Variants in SYCP2 observed in about 807,000 individuals in gnomAD.
The protein encoded by SYCP2 is synaptonemal complex protein 2.
A neutral mutation model predicts 211.3 loss-of-function variants in SYCP2; 55 were observed. The ratio of observed to expected loss-of-function variants is 0.26; its 90% CI spans 0.21 to 0.33. The LOEUF is 0.33. SYCP2 is among the 10% of genes least tolerant of loss of function. The probability of loss-of-function intolerance (pLI) is 1.00; values close to 1 mark genes in which losing one functional copy is unlikely to be tolerated. For synonymous variants in SYCP2, 570 were observed against 555.2 expected (o/e 1.03, Z -0.37); for missense variants, 1,731 against 1,752.0 (o/e 0.99, Z 0.21).
intron 15 of SYCP2, among the ~76,000 whole-genome samples, chr20:59,902,304 C>A (rs2060129540): frequency 1.3e-5 from 2 of 152,028 alleles, no homozygotes; most frequent in Admixed American, 6.6e-5. Flanking sequence ...AAGGATCTAG[C>A]ACTTGGCCTC....
chr20:59,902,852 C>CA (rs2145789798), intron 15 of SYCP2, among the ~76,000 whole-genome samples: 1 of 152,194 alleles, frequency 6.6e-6, no homozygotes, highest in South Asian at 2.1e-4. Flanking sequence ...GACAAGTTTT[C>CA]AGGTTTCAGA....
At chr20:59,867,987 T>A (rs1456246025) in intron 38 of SYCP2, 140 bp from the exon 39 acceptor site, 2 of 613,654 alleles carry the variant, frequency 3.3e-6, no homozygotes, top group African/African-American at 3.9e-5. Context: ...GGCAGAAGAG[T>A]TCCTTATGTT....
At chr20:59,891,919 T>G in intron 24 of SYCP2, 71 bp downstream of exon 24, 1 of 1,317,134 alleles carries the variant, frequency 7.6e-7, no homozygotes. Flanking sequence ...TTAATCAAGT[T>G]TCTTTCTTTC....
chr20:59,914,855 T>G (rs1020940382), intron 10 of SYCP2, among the ~76,000 whole-genome samples: 2 of 152,084 alleles, frequency 1.3e-5, no homozygotes, highest in East Asian at 3.9e-4. Flanking sequence ...ATTATATTAA[T>G]CTATTAATTT....
intron 2 of SYCP2, among the ~76,000 whole-genome samples, chr20:59,924,206 T>C (rs1019469181): frequency 1.3e-5 from 2 of 151,926 alleles, no homozygotes; most frequent in Admixed American, 6.6e-5. Flanking sequence ...CACTCCTATC[T>C]TCCTAGTCAT....
chr20:59,892,803 T>C (rs1489064222), intron 22 of SYCP2, 102 bp from the exon 23 acceptor site: 9 of 1,077,428 alleles, frequency 8.4e-6, no homozygotes, highest in Admixed American at 3.2e-5. Context: ...CGATTACTTA[T>C]GTGAAAATTA....
chr20:59,893,319 T>C (rs2059945245), intron 21 of SYCP2, 120 bp from the exon 22 acceptor site: 1 of 785,928 alleles, frequency 1.3e-6, no homozygotes, highest in African/African-American at 1.8e-5. Context: ...TGATCGATTT[T>C]GCATCCTCTC....
At chr20:59,917,032 C>T (rs74872353) in intron 7 of SYCP2, among the ~76,000 whole-genome samples, 2,952 of 152,150 alleles carry the variant, frequency 0.019, 41 homozygotes, top group Middle Eastern at 0.041. Flanking sequence ...TTCTACTTGG[C>T]CTTGCAAAAA....
chr20:59,919,611 T>G lies in SYCP2; in HGVS notation c.298-14A>C, dbSNP rs1267775729. ...CCAGGCAACCATGTAAAAAAAGGAA[T>G]GAACTTATTAGAGTTCCATTTTAAT... On this transcript the variant is annotated splice_polypyrimidine_tract_variant and intron_variant, in intron 5 of 44. Coordinates refer to ENST00000357552, the MANE Select transcript of SYCP2 (RefSeq NM_014258.4). The G allele has an allele frequency of 6.6e-7, 1 of 1,511,816 alleles. No homozygotes were observed. Among genetic ancestry groups the G allele is most frequent in the Non-Finnish European group, 9.1e-7 (1 of 1,094,130 alleles). The allele number at this position is 1,511,816 out of a possible 1,614,324, so 93.7% of individuals were successfully genotyped here. A position where few individuals can be genotyped will look rare whatever the true frequency, so the allele number is the denominator to read the frequency against.
At position 59,901,771 on chromosome 20, in the gene SYCP2, T is replaced by A. The variant is rs1163194198; in HGVS notation, c.1073A>T (p.Asn358Ile). 6.2e-7 allele frequency: 1 copy of A among 1,603,796 alleles called. No individual in the cohort carries two copies. Among genetic ancestry groups the A allele is most frequent in the East Asian group, 2.2e-5 (1 of 44,586 alleles). ...TTCTCTTTTGCTAATTTTTACTGTATTTTTCAGAATTATTGTCAGTAGCTT... is the reference window on the plus strand; with the variant it reads ...TTCTCTTTTGCTAATTTTTACTGTAATTTTCAGAATTATTGTCAGTAGCTT... ...SKKLLTIILK[N>I]TVKISKREGK... is the part of the protein sequence containing the mutation. Residue 358 changes from asparagine (N) to isoleucine (I), a missense_variant, in exon 16 of 45, where the codon AAT becomes ATT. Asn to Ile is a moderately radical substitution (Grantham distance 149). Around this residue, in one of 3 missense-constraint regions of SYCP2, gnomAD observed 1,387 missense variants for 1,351.3 expected, o/e 1.03. Coordinates refer to ENST00000357552, the MANE Select transcript of SYCP2 (RefSeq NM_014258.4).
intron 13 of SYCP2, 51 bp from the exon 14 acceptor site, chr20:59,911,896 C>T (rs6027195): frequency 0.054 from 50,184 of 933,162 alleles, 4,077 homozygotes; most frequent in African/African-American, 0.34. Context: ...TTAGAAATAA[C>T]AGACAATTAT....
intron 8 of SYCP2, among the ~76,000 whole-genome samples, chr20:59,916,182 G>A (rs1365634920): frequency 6.6e-6 from 1 of 152,038 alleles, no homozygotes; most frequent in Non-Finnish European, 1.5e-5. Flanking sequence ...TTGTTCTTAT[G>A]ATTATAGTAC....
At chr20:59,932,620 C>T (rs1468883098) in intron 1 of SYCP2, among the ~76,000 whole-genome samples, 4 of 152,060 alleles carry the variant, frequency 2.6e-5, no homozygotes, top group Non-Finnish European at 5.9e-5. Context: ...GTTGCAGTGA[C>T]GCGAGATCGC....
intron 26 of SYCP2, among the ~76,000 whole-genome samples, chr20:59,882,582 G>A (rs769355038): frequency 2.6e-5 from 4 of 152,082 alleles, no homozygotes; most frequent in Non-Finnish European, 4.4e-5. Context: ...TATATACAAC[G>A]AAATATTATT....
chr20:59,879,862 T>TATACACACACAC (rs1469618397), intron 31 of SYCP2, among the ~76,000 whole-genome samples: 1 of 116,086 alleles, frequency 8.6e-6, no homozygotes, highest in African/African-American at 3.4e-5. Context: ...TATATATATA[T>TATACACACACAC]ACACACACAC....
intron 2 of SYCP2, among the ~76,000 whole-genome samples, chr20:59,923,526 C>T (rs564023344): frequency 1.3e-5 from 2 of 151,380 alleles, no homozygotes; most frequent in East Asian, 3.9e-4. Flanking sequence ...TTACAAAACT[C>T]CATGTCTACA....
At chr20:59,919,979 C>T (rs927233631) in intron 5 of SYCP2, among the ~76,000 whole-genome samples, 2 of 151,596 alleles carry the variant, frequency 1.3e-5, no homozygotes, top group Non-Finnish European at 3.0e-5. Flanking sequence ...TGAGTACATA[C>T]ATCTCAGATA....
intron 5 of SYCP2, among the ~76,000 whole-genome samples, chr20:59,920,120 A>G (rs1439463702): frequency 6.6e-6 from 1 of 151,724 alleles, no homozygotes; most frequent in Non-Finnish European, 1.5e-5. Context: ...TAAAGAGACA[A>G]TAAAGCAAGT....
intron 7 of SYCP2, among the ~76,000 whole-genome samples, chr20:59,916,988 C>T (rs1175221132): frequency 6.6e-6 from 1 of 152,150 alleles, no homozygotes; most frequent in Admixed American, 6.5e-5. Context: ...CCCACCAGGG[C>T]TTGGGGATGA....
Sources: allele counts gnomAD v4.1 joint callset (sites outside exome capture counted in the v4.1 genomes callset), GRCh38; gene constraint gnomAD v4.1.1; regional missense constraint gnomAD v4.1.1; transcripts MANE v1.5; gene names NCBI Gene and HGNC (gene_info 2026-07-23, HGNC 2026-07-21).